Variants in CRACD observed in about 807,000 individuals in gnomAD.
CRACD encodes capping protein-inhibiting regulator of actin dynamics.
CRACD carries 56 observed loss-of-function variants against 106.8 expected under a neutral mutation model. That is an observed-to-expected ratio of 0.52 (90% CI 0.42 to 0.66). The LOEUF (loss-of-function observed/expected upper bound fraction) is 0.66, where lower values mean the gene tolerates loss of function less well. Among genes scored for constraint, CRACD ranks in the 30% least tolerant of loss-of-function variants. The probability of loss-of-function intolerance (pLI) is 0.00; values close to 1 mark genes in which losing one functional copy is unlikely to be tolerated. For missense variants in CRACD, 1,730 were observed against 1,623.2 expected, an observed-to-expected ratio of 1.07 and a Z score of -1.13; for synonymous variants, 754 against 670.8, an observed-to-expected ratio of 1.12 and a Z score of -1.92.
intron 3 of CRACD, among the ~76,000 whole-genome samples, chr4:56,283,472 C>T (rs1437920858): frequency 6.6e-6 from 1 of 152,178 alleles, no homozygotes; most frequent in African/African-American, 2.4e-5. Flanking sequence ...GACATAGTGC[C>T]TGCTTCCTAG....
chr4:56,226,026 TGGA>T (rs1355257748), intron 2 of CRACD, among the ~76,000 whole-genome samples: 1 of 152,226 alleles, frequency 6.6e-6, no homozygotes, highest in Non-Finnish European at 1.5e-5. Context: ...AATGTGTGAA[TGGA>T]ACCCTGAAAG....
At chr4:56,124,348 ACCAATCTTGTTTCGTGTATATC>A (rs959009154) in intron 1 of CRACD, among the ~76,000 whole-genome samples, 1 of 152,212 alleles carries the variant, frequency 6.6e-6, no homozygotes, top group African/African-American at 2.4e-5. Context: ...TCAGCATGTG[ACCAATCTTGTTTCGTGTATATC>A]CCACCCCTGC....
intron 2 of CRACD, among the ~76,000 whole-genome samples, chr4:56,221,060 A>G (rs537268168): frequency 2.0e-4 from 30 of 152,226 alleles, no homozygotes; most frequent in African/African-American, 7.2e-4. Context: ...AAACCCCTGG[A>G]AAGAGGGTAG....
At chr4:56,156,410 T>C (rs1735765827) in intron 1 of CRACD, among the ~76,000 whole-genome samples, 1 of 152,236 alleles carries the variant, frequency 6.6e-6, no homozygotes, top group Non-Finnish European at 1.5e-5. Flanking sequence ...GATCTGACTT[T>C]ACCACCCGCC....
At chr4:56,125,973 T>C (rs1734650771) in intron 1 of CRACD, among the ~76,000 whole-genome samples, 1 of 151,892 alleles carries the variant, frequency 6.6e-6, no homozygotes, top group Non-Finnish European at 1.5e-5. Flanking sequence ...GGTTTTACCA[T>C]CTTGGCCAGG....
chr4:56,271,833 T>C (rs908322040), intron 2 of CRACD, among the ~76,000 whole-genome samples: 4 of 152,152 alleles, frequency 2.6e-5, no homozygotes, highest in African/African-American at 9.7e-5. Flanking sequence ...CAGCCTCAAC[T>C]TCCCAGGCTC....
At chr4:56,116,677 T>G (rs1734296135) in intron 1 of CRACD, among the ~76,000 whole-genome samples, 1 of 152,222 alleles carries the variant, frequency 6.6e-6, no homozygotes, top group African/African-American at 2.4e-5. Flanking sequence ...TCTTTTTGTT[T>G]TTTTCCAAGT....
intron 1 of CRACD, among the ~76,000 whole-genome samples, chr4:56,134,293 A>C (rs1270664529): frequency 2.0e-5 from 3 of 152,174 alleles, no homozygotes; most frequent in Non-Finnish European, 4.4e-5. Context: ...TAGTGGCACT[A>C]ATTAATCATA....
Position 56,316,507 on chromosome 4 carries a change from A to G in CRACD, c.3005A>G (p.Glu1002Gly). 4.3e-6 allele frequency: 7 copies of G among 1,613,756 alleles called. No individual in the cohort carries two copies. Among genetic ancestry groups the G allele is most frequent in the Non-Finnish European group, 5.9e-6 (7 of 1,179,788 alleles). Residue 1002 changes from glutamate (E) to glycine (G), a missense_variant, in exon 8 of 11, where the codon GAG (glutamate) becomes GGG (glycine). Physicochemically the swap from Glu to Gly is moderately conservative, Grantham distance 98. Transcript: ENST00000682029. The part of the protein sequence containing the change: ...RAGRPDPEPS[E>G]PSKEDQESSD... ...GGGAGGCCGGACCCAGAGCCAAGTG[A>G]GCCGTCCAAGGAGGACCAGGAGAGC...
chr4:56,316,764 C>T (rs1021237125), intron 8 of CRACD, 75 bp downstream of exon 8: 18 of 1,466,014 alleles, frequency 1.2e-5, no homozygotes, highest in African/African-American at 4.2e-5. Context: ...GATCCACACG[C>T]AGGTTCATGA....
rs564358866 is a variant in CRACD, at chr4:56,159,546, G to A, written c.-335-19738G>A. Among the ~76,000 whole-genome samples the A allele has an allele frequency of 5.5e-3, 839 of 152,120 alleles. 11 individuals are homozygous for A. The highest frequency in any genetic ancestry group is 0.019 in the African/African-American group (781 of 41,532). On this transcript the variant is annotated intron_variant, in intron 1 of 10. Coordinates refer to ENST00000682029, the MANE Select transcript of CRACD (RefSeq NM_001393381.1). ...GGGCGCCTGTAGTCCCAGCTACTCG[G>A]GAGGCTGAGGTGGGAGAATGGCATG... is the stretch of plus-strand genomic sequence containing the variant.
intron 3 of CRACD, among the ~76,000 whole-genome samples, chr4:56,285,356 G>A (rs191259482): frequency 9.2e-5 from 14 of 152,332 alleles, no homozygotes; most frequent in African/African-American, 2.2e-4. Flanking sequence ...GACCCTATGC[G>A]GTAATAGAAC....
chr4:56,228,013 T>C (rs931248295), intron 2 of CRACD, among the ~76,000 whole-genome samples: 1 of 152,160 alleles, frequency 6.6e-6, no homozygotes, highest in Non-Finnish European at 1.5e-5. Flanking sequence ...ATCAGGTCAG[T>C]CATGCTGCGT....
chr4:56,289,640 G>A (rs996915603), intron 3 of CRACD, among the ~76,000 whole-genome samples: 1 of 148,540 alleles, frequency 6.7e-6, no homozygotes, highest in East Asian at 2.0e-4. Flanking sequence ...CACTGCAGCA[G>A]AATGCCTGGG....
intron 1 of CRACD, among the ~76,000 whole-genome samples, chr4:56,152,013 C>CT (rs562674319): frequency 0.4 from 55,628 of 137,750 alleles, 11,567 homozygotes; most frequent in African/African-American, 0.5. Context: ...ATAGTTTTTT[C>CT]TTTTTTTTTT....
intron 2 of CRACD, among the ~76,000 whole-genome samples, chr4:56,239,432 T>G (rs1419295934): frequency 1.3e-5 from 2 of 152,060 alleles, no homozygotes; most frequent in African/African-American, 4.8e-5. Context: ...CCTTGTGAAG[T>G]GGGTGTCATC....
chr4:56,151,234 A>G (rs1735569965), intron 1 of CRACD, among the ~76,000 whole-genome samples: 1 of 152,088 alleles, frequency 6.6e-6, no homozygotes, highest in African/African-American at 2.4e-5. Flanking sequence ...TCCTGACCTC[A>G]GGCGATCTGC....
chr4:56,147,748 A>C (rs1419754671), intron 1 of CRACD, among the ~76,000 whole-genome samples: 1 of 152,196 alleles, frequency 6.6e-6, no homozygotes, highest in African/African-American at 2.4e-5. Context: ...ACCATTTTAC[A>C]GTCCCACCAG....
intron 1 of CRACD, among the ~76,000 whole-genome samples, chr4:56,115,446 G>A (rs761575140): frequency 2.0e-5 from 3 of 152,032 alleles, no homozygotes; most frequent in Non-Finnish European, 4.4e-5. Context: ...AATCATATAG[G>A]TGCTCCTAAA....
Sources: allele counts gnomAD v4.1 joint callset (sites outside exome capture counted in the v4.1 genomes callset), GRCh38; gene constraint gnomAD v4.1.1; transcripts MANE v1.5; gene names NCBI Gene and HGNC (gene_info 2026-07-23, HGNC 2026-07-21).